Variants in CPQ observed in about 807,000 individuals in gnomAD.
CPQ encodes carboxypeptidase Q, also known as Ser-Met dipeptidase.
CPQ carries 37 observed loss-of-function variants against 45.7 expected under a neutral mutation model. That is an observed-to-expected ratio of 0.81 (90% CI 0.62 to 1.07). The LOEUF (loss-of-function observed/expected upper bound fraction) is 1.07, where lower values mean the gene tolerates loss of function less well. Ranked by LOEUF, CPQ falls within the 50% of genes least tolerant of loss-of-function variation. The probability of loss-of-function intolerance (pLI) is 0.00; values close to 1 mark genes in which losing one functional copy is unlikely to be tolerated. For synonymous variants in CPQ, 186 were observed against 205.8 expected (o/e 0.90, Z 0.82); for missense variants, 537 against 572.9 (o/e 0.94, Z 0.64).
chr8:96,677,504 A>C (rs1809091185), intron 1 of CPQ, among the ~76,000 whole-genome samples: 1 of 151,642 alleles, frequency 6.6e-6, no homozygotes, highest in Non-Finnish European at 1.5e-5. Flanking sequence ...TCCTTTGTGC[A>C]CTTTTTGATG....
At chr8:96,780,675 T>A (rs1257436682) in intron 1 of CPQ, among the ~76,000 whole-genome samples, 1 of 151,900 alleles carries the variant, frequency 6.6e-6, no homozygotes, top group Non-Finnish European at 1.5e-5. Context: ...CTTCCTTCCT[T>A]CCTTTCTTTT....
At chr8:97,134,863 C>T (rs1450647630) in intron 7 of CPQ, among the ~76,000 whole-genome samples, 1 of 152,186 alleles carries the variant, frequency 6.6e-6, no homozygotes, top group Admixed American at 6.5e-5. Flanking sequence ...AAATCATCTC[C>T]AGAAAGCCCT....
intron 5 of CPQ, among the ~76,000 whole-genome samples, chr8:96,995,699 G>A (rs188616297): frequency 6.0e-4 from 90 of 151,180 alleles, no homozygotes; most frequent in African/African-American, 2.2e-3. Context: ...TTTAAGTTTA[G>A]GTGTGCAAGT....
intron 7 of CPQ, among the ~76,000 whole-genome samples, chr8:97,137,704 C>T (rs966750013): frequency 1.3e-5 from 2 of 152,134 alleles, no homozygotes; most frequent in Non-Finnish European, 2.9e-5. Flanking sequence ...CCGAGGCGGG[C>T]GGATCATGAG....
intron 1 of CPQ, among the ~76,000 whole-genome samples, chr8:96,689,729 T>G (rs1305875566): frequency 1.3e-5 from 2 of 152,162 alleles, no homozygotes; most frequent in Non-Finnish European, 2.9e-5. Context: ...TTACACTTTT[T>G]GGGGACACTA....
At chr8:96,818,403 T>A (rs757531514) in intron 2 of CPQ, among the ~76,000 whole-genome samples, 29 of 152,042 alleles carry the variant, frequency 1.9e-4, no homozygotes, top group Non-Finnish European at 3.4e-4. Flanking sequence ...ATGAAAATTC[T>A]TGAAATATTG....
At chr8:96,877,826 C>T (rs1812168413) in intron 3 of CPQ, among the ~76,000 whole-genome samples, 1 of 152,134 alleles carries the variant, frequency 6.6e-6, no homozygotes, top group South Asian at 2.1e-4. Context: ...GACCCCAGAA[C>T]CTGAACCAGA....
At chr8:96,653,637 C>T (rs1362905766) in intron 1 of CPQ, among the ~76,000 whole-genome samples, 1 of 152,164 alleles carries the variant, frequency 6.6e-6, no homozygotes, top group East Asian at 1.9e-4. Flanking sequence ...TATATACTAT[C>T]TGCTTACAAT....
intron 6 of CPQ, among the ~76,000 whole-genome samples, chr8:97,029,922 T>C (rs1286802850): frequency 2.6e-5 from 4 of 152,124 alleles, no homozygotes; most frequent in African/African-American, 9.7e-5. Context: ...GCCAAGAGCA[T>C]TGCCATGATG....
chr8:96,762,444 T>C (rs184384615), intron 1 of CPQ, among the ~76,000 whole-genome samples: 6 of 152,316 alleles, frequency 3.9e-5, no homozygotes, highest in African/African-American at 1.4e-4. Context: ...ATGTAACACA[T>C]AGTAGCCTCT....
At chr8:96,752,257 A>G (rs754927911) in intron 1 of CPQ, among the ~76,000 whole-genome samples, 2 of 152,188 alleles carry the variant, frequency 1.3e-5, no homozygotes, top group Non-Finnish European at 2.9e-5. Flanking sequence ...CCTCCTATCC[A>G]TGAGCATGGA....
intron 5 of CPQ, among the ~76,000 whole-genome samples, chr8:97,014,641 C>CAAAAAA (rs368425080): frequency 1.7e-5 from 1 of 58,600 alleles, no homozygotes. Context: ...GACTCCATCT[C>CAAAAAA]AAAAAAAAAA....
chr8:96,720,189 T>G lies in CPQ; in HGVS notation c.-34-64675T>G, dbSNP rs1809744108. The stretch of plus-strand genomic sequence containing the variant: ...TTGAACATATTTTCTCTTAATTCCT[T>G]GAACATATTTAAAATAGCTGTCTGA... On this transcript the variant is annotated intron_variant, in intron 1 of 7. Transcript: ENST00000220763. 2.0e-5 allele frequency among the ~76,000 whole-genome samples: 3 copies of G among 152,242 alleles called. No individual in the cohort carries two copies. The South Asian group carries it at 6.2e-4, about 31-fold the overall frequency.
In CPQ at chr8:96,704,456, T is replaced by C. The variant is rs73696221; in HGVS notation, c.-35+59054T>C. On this transcript the variant is annotated intron_variant, in intron 1 of 7. Coordinates refer to ENST00000220763, the MANE Select transcript of CPQ (RefSeq NM_016134.4). ...GGAGATTTTGAATTAGTATGGACAATCAGGAATACTCCTTTAAGGAAATAT... is the reference window on the plus strand; with the variant it reads ...GGAGATTTTGAATTAGTATGGACAACCAGGAATACTCCTTTAAGGAAATAT... Among the ~76,000 whole-genome samples the C allele has an allele frequency of 9.7e-3, 1,482 of 152,272 alleles. 26 individuals carry two copies. The highest frequency in any genetic ancestry group is 0.034 in the African/African-American group (1,404 of 41,562).
chr8:96,696,295 G>T (rs112075241), intron 1 of CPQ, among the ~76,000 whole-genome samples: 11,108 of 151,362 alleles, frequency 0.073, 436 homozygotes, highest in Middle Eastern at 0.12. Flanking sequence ...CTGTTGTGGG[G>T]TGGGGGGAGT....
chr8:96,694,018 G>A (rs1169115693), intron 1 of CPQ, among the ~76,000 whole-genome samples: 1 of 152,108 alleles, frequency 6.6e-6, no homozygotes, highest in Admixed American at 6.6e-5. Context: ...TTGTTAGTTT[G>A]TTAATGCAGT....
intron 4 of CPQ, among the ~76,000 whole-genome samples, chr8:96,921,086 G>A (rs921412305): frequency 2.0e-5 from 3 of 152,106 alleles, no homozygotes; most frequent in African/African-American, 4.8e-5. Context: ...ATTAACTCCC[G>A]TTTTACAGAT....
chr8:96,902,351 A>C (rs1447086208), intron 4 of CPQ, among the ~76,000 whole-genome samples: 2 of 152,232 alleles, frequency 1.3e-5, no homozygotes, highest in Non-Finnish European at 2.9e-5. Context: ...AGGCCAAATA[A>C]ATTGTCCGAT....
intron 3 of CPQ, among the ~76,000 whole-genome samples, chr8:96,870,038 A>G (rs1343001933): frequency 6.6e-6 from 1 of 152,082 alleles, no homozygotes; most frequent in African/African-American, 2.4e-5. Context: ...AAATGGGTAT[A>G]AAATAAATAC....
Sources: allele counts gnomAD v4.1 joint callset (sites outside exome capture counted in the v4.1 genomes callset), GRCh38; gene constraint gnomAD v4.1.1; transcripts MANE v1.5; gene names NCBI Gene and HGNC (gene_info 2026-07-23, HGNC 2026-07-21).